RSRC1: variants seen among roughly 807,000 people sequenced by gnomAD.
RSRC1 encodes the protein arginine and serine rich coiled-coil 1.
A neutral mutation model predicts 49.1 loss-of-function variants in RSRC1; 39 were observed. The observed-to-expected ratio is 0.79, with a 90% confidence interval of 0.61 to 1.04. RSRC1 has a LOEUF of 1.04. Among genes scored for constraint, RSRC1 ranks in the 50% least tolerant of loss-of-function variants. The pLI is 0.00. For missense variants in RSRC1, 388 were observed against 402.4 expected (o/e 0.96, Z 0.31); for synonymous variants, 143 against 130.8 (o/e 1.09, Z -0.63).
chr3:158,514,539 A>G (rs962889529), intron 7 of RSRC1, among the ~76,000 whole-genome samples: 4 of 152,120 alleles, frequency 2.6e-5, no homozygotes, highest in Admixed American at 2.6e-4. Flanking sequence ...ACTTCCACGT[A>G]TGTGGTCAAT....
At chr3:158,202,325 A>G (rs968242161) in intron 3 of RSRC1, among the ~76,000 whole-genome samples, 3 of 151,812 alleles carry the variant, frequency 2.0e-5, no homozygotes, top group African/African-American at 7.3e-5. Flanking sequence ...TGAATATAAA[A>G]TATATTTAAT....
intron 4 of RSRC1, among the ~76,000 whole-genome samples, chr3:158,271,222 A>T: frequency 6.6e-6 from 1 of 152,138 alleles, no homozygotes; most frequent in East Asian, 1.9e-4. Context: ...TTTTCCTCTA[A>T]TAAGGGATTA....
At chr3:158,322,859 C>T (rs917948747) in intron 5 of RSRC1, among the ~76,000 whole-genome samples, 1 of 152,060 alleles carries the variant, frequency 6.6e-6, no homozygotes, top group Non-Finnish European at 1.5e-5. Context: ...TTTTTATACT[C>T]ACTAATTCTT....
At chr3:158,536,805 T>C (rs1712738563) in intron 7 of RSRC1, among the ~76,000 whole-genome samples, 1 of 151,504 alleles carries the variant, frequency 6.6e-6, no homozygotes, top group Non-Finnish European at 1.5e-5. Flanking sequence ...TCCTTTTATA[T>C]GTATTTCCAT....
intron 4 of RSRC1, among the ~76,000 whole-genome samples, chr3:158,282,343 G>A (rs1726233143): frequency 1.3e-5 from 2 of 152,136 alleles, no homozygotes; most frequent in African/African-American, 4.8e-5. Flanking sequence ...CTTTTGTGTG[G>A]CATGACTTAA....
At chr3:158,368,007 G>A (rs555065935) in intron 6 of RSRC1, among the ~76,000 whole-genome samples, 25 of 150,948 alleles carry the variant, frequency 1.7e-4, no homozygotes, top group Non-Finnish European at 1.5e-5. Context: ...GTTTATATTT[G>A]AGTGGCTATT....
chr3:158,123,900 G>T lies in RSRC1; in HGVS notation c.229G>T (p.Gly77Cys). The T allele has an allele frequency of 6.2e-7, 1 of 1,612,118 alleles. No individual in the cohort carries two copies. Among genetic ancestry groups the T allele is most frequent in the South Asian group, 1.1e-5 (1 of 90,968 alleles). Residue 77 changes from glycine to cysteine, a missense_variant, in exon 3 of 10, where the codon GGC (glycine) becomes TGC (cysteine). Coordinates refer to ENST00000611884, the MANE Select transcript of RSRC1 (RefSeq NM_001271838.2). The part of the protein sequence containing the change: ...RHRSSSSSSY[G>C]SRRKRSRSRS... The stretch of plus-strand genomic sequence containing the variant: ...TCGATCAAGCAGTAGCTCTTCTTAT[G>T]GCTCCAGAAGGAAACGAAGTCGAAG...
intron 4 of RSRC1, among the ~76,000 whole-genome samples, chr3:158,260,646 C>T (rs1396239629): frequency 6.6e-6 from 1 of 152,180 alleles, no homozygotes; most frequent in African/African-American, 2.4e-5. Flanking sequence ...CCAGGAATTA[C>T]AGTTCTTGTG....
chr3:158,234,343 A>G (rs983992043), intron 4 of RSRC1, among the ~76,000 whole-genome samples: 5 of 152,196 alleles, frequency 3.3e-5, no homozygotes, highest in African/African-American at 1.2e-4. Flanking sequence ...ACTGAAGTTT[A>G]GCTTCCACCT....
chr3:158,343,068 T>G (rs924763179), intron 5 of RSRC1, among the ~76,000 whole-genome samples: 1 of 152,148 alleles, frequency 6.6e-6, no homozygotes, highest in African/African-American at 2.4e-5. Context: ...CTTGAGTATT[T>G]AGCAGACTAC....
intron 6 of RSRC1, among the ~76,000 whole-genome samples, chr3:158,387,303 T>G (rs1355491708): frequency 6.6e-6 from 1 of 152,090 alleles, no homozygotes; most frequent in African/African-American, 2.4e-5. Context: ...TCTATGGCAT[T>G]AGGTTCTGGA....
chr3:158,425,267 G>C (rs1735344651), intron 6 of RSRC1, among the ~76,000 whole-genome samples: 1 of 151,928 alleles, frequency 6.6e-6, no homozygotes, highest in Non-Finnish European at 1.5e-5. Flanking sequence ...CCCAGAGATT[G>C]TGGTATATTG....
chr3:158,270,096 T>C (rs150177636), intron 4 of RSRC1, among the ~76,000 whole-genome samples: 288 of 152,220 alleles, frequency 1.9e-3, no homozygotes, highest in African/African-American at 5.9e-3. Context: ...AGGTTGCTTG[T>C]TGGAACCCGC....
chr3:158,260,794 TG>T (rs1269995660), intron 4 of RSRC1, among the ~76,000 whole-genome samples: 2 of 152,172 alleles, frequency 1.3e-5, no homozygotes. Flanking sequence ...GTTCTCTGTC[TG>T]GGCCCTGGCT....
At chr3:158,143,889 A>G (rs1028932501) in intron 3 of RSRC1, among the ~76,000 whole-genome samples, 7 of 152,160 alleles carry the variant, frequency 4.6e-5, no homozygotes, top group South Asian at 2.1e-4. Flanking sequence ...GTCTGCTACT[A>G]TGTTGGCTTT....
At chr3:158,218,616 T>C (rs1722077071) in intron 4 of RSRC1, among the ~76,000 whole-genome samples, 1 of 151,622 alleles carries the variant, frequency 6.6e-6, no homozygotes, top group Non-Finnish European at 1.5e-5. Flanking sequence ...GGAGGATATA[T>C]TGTAGGTGCA....
chr3:158,471,549 C>A (rs923832035), intron 7 of RSRC1, among the ~76,000 whole-genome samples: 2 of 152,102 alleles, frequency 1.3e-5, no homozygotes, highest in African/African-American at 4.8e-5. Context: ...CAGTATCTCA[C>A]TGTGATTTCA....
At chr3:158,290,100 C>T (rs953224205) in intron 4 of RSRC1, among the ~76,000 whole-genome samples, 2 of 151,888 alleles carry the variant, frequency 1.3e-5, no homozygotes, top group Non-Finnish European at 1.5e-5. Context: ...TCAATTGGTC[C>T]ATTATTAGGC....
chr3:158,125,201 A>G (rs1041783286), intron 3 of RSRC1, among the ~76,000 whole-genome samples: 1 of 151,636 alleles, frequency 6.6e-6, no homozygotes, highest in East Asian at 1.9e-4. Flanking sequence ...ATTTTTTTCT[A>G]AAGTCTTTCT....
Sources: allele counts gnomAD v4.1 joint callset (sites outside exome capture counted in the v4.1 genomes callset), GRCh38; gene constraint gnomAD v4.1.1; transcripts MANE v1.5; gene names NCBI Gene and HGNC (gene_info 2026-07-23, HGNC 2026-07-21).